CDK5RAP2: variants seen among roughly 807,000 people sequenced by gnomAD.
CDK5RAP2 encodes CDK5 regulatory subunit-associated protein 2.
CDK5RAP2 carries 147 observed loss-of-function variants against 232.9 expected under a neutral mutation model. The ratio of observed to expected loss-of-function variants is 0.63; its 90% confidence interval spans 0.55 to 0.72. The LOEUF (loss-of-function observed/expected upper bound fraction) is 0.72. CDK5RAP2 is among the 30% of genes least tolerant of loss of function. CDK5RAP2 has a pLI of 0.00. For missense variants in CDK5RAP2, 2,195 were observed against 2,231.5 expected (o/e 0.98, Z 0.33); for synonymous variants, 833 against 833.7 (o/e 1.00, Z 0.01).
Position 120,439,850 on chromosome 9 carries a change from T to A in CDK5RAP2, c.3271A>T (p.Lys1091Ter). Residue 1091 changes from lysine (K) to a stop codon, truncating the protein, a stop_gained, in exon 24 of 38, where the codon AAA becomes TAA. Transcript: ENST00000349780. LOFTEE classifies it high-confidence loss of function. ...TGATCAGTCCCCATCACACTGACTT[T>A]AGCAGAAGGCTGACTCTTGGAACTC... ...YLSSKSQPSA[K>*]VSVMGTDQSE... 6.2e-7 allele frequency: 1 copy of A among 1,614,204 alleles called. No individual in the cohort carries two copies. The highest frequency in any genetic ancestry group is 1.1e-5 in the South Asian group (1 of 91,086).
rs767581633 is a variant in CDK5RAP2 at position 120,487,404 on chromosome 9, G to A, written c.1516C>T (p.Gln506Ter). ...FNEKDLEVIQ[Q>*]NCYLMAAEDL... ...TCTGCAGCCATTAAATAGCAGTTCT[G>A]CTGTATTACTTCCAAATCTTTTTCA... Residue 506 changes from glutamine (Q) to a stop codon, truncating the protein, a stop_gained, in exon 14 of 38, where the codon CAG (glutamine) becomes TAG (stop). Transcript: ENST00000349780. LOFTEE classifies it high-confidence loss of function. The A allele has an allele frequency of 6.2e-7, 1 of 1,612,560 alleles. No individual in the cohort carries two copies. Among genetic ancestry groups the A allele is most frequent in the Non-Finnish European group, 8.5e-7 (1 of 1,179,256 alleles).
intron 20 of CDK5RAP2, among the ~76,000 whole-genome samples, chr9:120,456,280 C>T (rs555183798): frequency 1.3e-5 from 2 of 152,298 alleles, no homozygotes; most frequent in African/African-American, 4.8e-5. Context: ...GTTCTTTTTC[C>T]TTCTCACTTC....
At chr9:120,573,977 G>A (rs985406956) in intron 1 of CDK5RAP2, among the ~76,000 whole-genome samples, 3 of 152,130 alleles carry the variant, frequency 2.0e-5, no homozygotes, top group Non-Finnish European at 2.9e-5. Context: ...TCAATCTGGG[G>A]TTCTCTCCGG....
rs1211431628 is a variant in CDK5RAP2 at position 120,418,918 on chromosome 9, T to C, written c.4177+870A>G. The stretch of plus-strand genomic sequence containing the variant: ...GGCCGCTGTGAAAATTTTCACCTGC[T>C]AACTCAGTCCATGGTCGGAGGCAGA... On this transcript the variant is annotated intron_variant, in intron 27 of 37. Coordinates refer to ENST00000349780, the MANE Select transcript of CDK5RAP2 (RefSeq NM_018249.6). 2.6e-5 allele frequency among the ~76,000 whole-genome samples: 4 copies of C among 152,210 alleles called. No homozygotes were observed. The East Asian group carries it at 7.7e-4, about 29-fold the overall frequency.
intron 12 of CDK5RAP2, 34 bp from the exon 13 acceptor site, chr9:120,491,511 T>C (rs756733461): frequency 1.3e-6 from 2 of 1,518,462 alleles, no homozygotes; most frequent in East Asian, 2.3e-5. Flanking sequence ...GGAATTTACT[T>C]GACAAAAATT....
rs1038530526 is a variant in CDK5RAP2 at position 120,479,606 on chromosome 9, TC to T, written c.1627-2157del. 6.6e-5 allele frequency among the ~76,000 whole-genome samples: 10 copies of T among 152,284 alleles called. No individual in the cohort carries two copies. In the East Asian group the frequency reaches 1.7e-3, roughly 26 times the overall value. ...TCCTGCCAAAGATGCATAAACTGAA[TC>T]TAATCAGCAAGAAAACACCAGACAA... On this transcript the variant is annotated intron_variant, in intron 14 of 37. Transcript: ENST00000349780.
chr9:120,485,625 AACTT>A (rs1231695497), intron 14 of CDK5RAP2, among the ~76,000 whole-genome samples: 1 of 152,236 alleles, frequency 6.6e-6, no homozygotes, highest in African/African-American at 2.4e-5. Context: ...TAGTTTAACT[AACTT>A]AATATATTCA....
intron 14 of CDK5RAP2, among the ~76,000 whole-genome samples, chr9:120,478,632 T>A (rs576217090): frequency 4.6e-5 from 7 of 152,118 alleles, no homozygotes; most frequent in South Asian, 2.1e-4. Flanking sequence ...GATAAAAACA[T>A]TCGCTGGATA....
intron 19 of CDK5RAP2, among the ~76,000 whole-genome samples, chr9:120,459,824 A>T (rs990840267): frequency 1.3e-5 from 2 of 152,132 alleles, no homozygotes; most frequent in Non-Finnish European, 2.9e-5. Context: ...AAGATCTCCC[A>T]TTTGTGACTC....
intron 14 of CDK5RAP2, among the ~76,000 whole-genome samples, chr9:120,486,927 A>G (rs1321449997): frequency 1.3e-5 from 2 of 152,186 alleles, no homozygotes; most frequent in African/African-American, 4.8e-5. Context: ...ATGAGATTGG[A>G]AACTTGATTT....
At chr9:120,445,775 T>C (rs973902135) in intron 22 of CDK5RAP2, among the ~76,000 whole-genome samples, 1 of 152,248 alleles carries the variant, frequency 6.6e-6, no homozygotes, top group Non-Finnish European at 1.5e-5. Flanking sequence ...CCAAGTCATA[T>C]AGCTTCAAAT....
intron 21 of CDK5RAP2, among the ~76,000 whole-genome samples, chr9:120,449,185 A>G (rs935740617): frequency 4.6e-5 from 7 of 152,106 alleles, no homozygotes; most frequent in African/African-American, 1.7e-4. Flanking sequence ...CTACCTCAGG[A>G]CCTTAGCATA....
intron 30 of CDK5RAP2, 88 bp from the exon 31 acceptor site, chr9:120,408,556 C>A: frequency 7.0e-7 from 1 of 1,423,462 alleles, no homozygotes; most frequent in Non-Finnish European, 9.8e-7. Flanking sequence ...CCAATTCCAC[C>A]CTCAGTCACA....
At chr9:120,518,276 G>C (rs142100719) in intron 12 of CDK5RAP2, 151 bp downstream of exon 12, 128 of 482,642 alleles carry the variant, frequency 2.7e-4, no homozygotes, top group Non-Finnish European at 4.3e-4. Flanking sequence ...ATACCAAATA[G>C]ATCAAATGAA....
At chr9:120,520,098 G>T (rs2040547698) in intron 11 of CDK5RAP2, among the ~76,000 whole-genome samples, 2 of 152,170 alleles carry the variant, frequency 1.3e-5, no homozygotes, top group South Asian at 4.1e-4. Flanking sequence ...GGAAGTAATG[G>T]CCTCTATTTT....
At chr9:120,546,636 T>G (rs2041853074) in intron 4 of CDK5RAP2, among the ~76,000 whole-genome samples, 1 of 152,292 alleles carries the variant, frequency 6.6e-6, no homozygotes, top group East Asian at 1.9e-4. Context: ...TGTTTTTTTG[T>G]TTTTTTATTT....
At chr9:120,425,085 G>A (rs562624405) in intron 25 of CDK5RAP2, among the ~76,000 whole-genome samples, 15 of 152,054 alleles carry the variant, frequency 9.9e-5, no homozygotes, top group Admixed American at 2.0e-4. Flanking sequence ...AAGCATTCCG[G>A]GTCTCCAGAT....
At chr9:120,518,212 AG>A (rs2040445185) in intron 12 of CDK5RAP2, among the ~76,000 whole-genome samples, 6 of 32,232 alleles carry the variant, frequency 1.9e-4, no homozygotes, top group African/African-American at 6.1e-4. Flanking sequence ...TGTGTGTGTG[AG>A]AGAGAGAGAG....
chr9:120,545,435 G>A (rs571562419), intron 5 of CDK5RAP2, among the ~76,000 whole-genome samples: 2 of 152,302 alleles, frequency 1.3e-5, no homozygotes, highest in Non-Finnish European at 2.9e-5. Context: ...GGGCTTCTGG[G>A]GGGCTGGCAT....
Sources: allele counts gnomAD v4.1 joint callset (sites outside exome capture counted in the v4.1 genomes callset), GRCh38; gene constraint gnomAD v4.1.1; transcripts MANE v1.5; gene names NCBI Gene and HGNC (gene_info 2026-07-23, HGNC 2026-07-21).